Variants in NRXN1 observed in about 807,000 individuals in gnomAD.
NRXN1 encodes neurexin 1.
In NRXN1, 39 loss-of-function variants were observed where a neutral mutation model predicts 150.9. The observed-to-expected ratio is 0.26, with a 90% confidence interval of 0.20 to 0.34. The LOEUF (loss-of-function observed/expected upper bound fraction) is 0.34, where lower values mean the gene tolerates loss of function less well. Among genes scored for constraint, NRXN1 ranks in the 10% least tolerant of loss-of-function variants. The pLI, the probability that NRXN1 is intolerant of heterozygous loss-of-function variation, is 1.00. For missense variants in NRXN1, 1,815 were observed against 1,949.9 expected (o/e 0.93, Z 1.30); for synonymous variants, 924 against 757.0 (o/e 1.22, Z -3.62).
At chr2:50,002,889 A>G (rs1684173868) in intron 21 of NRXN1, among the ~76,000 whole-genome samples, 1 of 152,130 alleles carries the variant, frequency 6.6e-6, no homozygotes, top group African/African-American at 2.4e-5. Context: ...AGTTCTTGAG[A>G]AAAGTTACAA....
intron 5 of NRXN1, among the ~76,000 whole-genome samples, chr2:50,690,134 G>A (rs1164441869): frequency 6.6e-6 from 1 of 152,054 alleles, no homozygotes. Context: ...TGATCCGCCT[G>A]CCTTAGCTTG....
intron 21 of NRXN1, among the ~76,000 whole-genome samples, chr2:49,989,093 T>C (rs551875931): frequency 2.0e-5 from 3 of 152,176 alleles, no homozygotes; most frequent in Non-Finnish European, 4.4e-5. Context: ...TAAGATTGTT[T>C]AATTCTTAAT....
chr2:50,363,760 T>C (rs2079388915), intron 17 of NRXN1, among the ~76,000 whole-genome samples: 1 of 152,222 alleles, frequency 6.6e-6, no homozygotes, highest in South Asian at 2.1e-4. Context: ...CAAAGGATTA[T>C]AAATCATTCT....
In NRXN1 at chr2:50,858,670, T is replaced by TTTAAACATCTGAAA. The variant is rs1233102530; in HGVS notation, c.832+63185_832+63198dup. 5.3e-5 allele frequency among the ~76,000 whole-genome samples: 8 copies of TTTAAACATCTGAAA among 152,286 alleles called. No individual in the cohort carries two copies. In the East Asian group the frequency reaches 1.5e-3, roughly 29 times the overall value. ...ACTTCAGTCATACTATGCAGACTAC[T>TTTAAACATCTGAAA]TTAAACATCTGAAATTTAACATCTG... is the stretch of plus-strand genomic sequence containing the variant. On this transcript the variant is annotated intron_variant, in intron 5 of 22. Coordinates refer to ENST00000401669, the MANE Select transcript of NRXN1 (RefSeq NM_001330078.2).
intron 17 of NRXN1, among the ~76,000 whole-genome samples, chr2:50,394,123 A>T (rs1318952693): frequency 6.6e-6 from 1 of 152,136 alleles, no homozygotes; most frequent in African/African-American, 2.4e-5. Context: ...GTGACCTCCA[A>T]ATATGAGAAG....
chr2:50,947,861 C>T (rs1484556601), intron 2 of NRXN1, among the ~76,000 whole-genome samples: 1 of 151,842 alleles, frequency 6.6e-6, no homozygotes, highest in Non-Finnish European at 1.5e-5. Context: ...AAGGGAAAAA[C>T]TTGTTTTCTC....
chr2:50,091,921 T>C (rs540964029), intron 18 of NRXN1, among the ~76,000 whole-genome samples: 1 of 152,196 alleles, frequency 6.6e-6, no homozygotes, highest in Non-Finnish European at 1.5e-5. Context: ...CATTGACAAA[T>C]ACTCACAATA....
chr2:50,709,327 A>G (rs1694842310), intron 5 of NRXN1, among the ~76,000 whole-genome samples: 1 of 152,174 alleles, frequency 6.6e-6, no homozygotes, highest in Non-Finnish European at 1.5e-5. Flanking sequence ...CAGGAAAAAT[A>G]TATTAAGTGT....
At chr2:50,695,789 T>G (rs1396143561) in intron 5 of NRXN1, among the ~76,000 whole-genome samples, 1 of 152,126 alleles carries the variant, frequency 6.6e-6, no homozygotes. Flanking sequence ...GAGCCTCAGT[T>G]TTACTAATAT....
intron 18 of NRXN1, among the ~76,000 whole-genome samples, chr2:50,153,523 T>C (rs947562256): frequency 7.9e-5 from 12 of 151,758 alleles, no homozygotes; most frequent in Non-Finnish European, 1.5e-4. Context: ...TGGGTTCTTC[T>C]GATTGTTGCA....
chr2:50,466,686 T>C (rs1397235242), intron 16 of NRXN1, among the ~76,000 whole-genome samples: 1 of 151,700 alleles, frequency 6.6e-6, no homozygotes, highest in African/African-American at 2.4e-5. Flanking sequence ...AGCAGAAATT[T>C]ATTAGAATTT....
intron 9 of NRXN1, among the ~76,000 whole-genome samples, chr2:50,540,886 T>C (rs1314766968): frequency 6.6e-6 from 1 of 152,146 alleles, no homozygotes; most frequent in Admixed American, 6.5e-5. Flanking sequence ...GGTCTTGAAT[T>C]CATGGCCTCA....
intron 5 of NRXN1, among the ~76,000 whole-genome samples, chr2:50,854,601 C>T (rs560016179): frequency 1.7e-4 from 26 of 151,984 alleles, no homozygotes; most frequent in Admixed American, 1.3e-4. Context: ...TATTATAGTT[C>T]GAGGAAAATA....
At chr2:50,031,388 C>T (rs757239574) in intron 21 of NRXN1, among the ~76,000 whole-genome samples, 14 of 151,904 alleles carry the variant, frequency 9.2e-5, no homozygotes, top group Admixed American at 6.6e-4. Flanking sequence ...TCTAAATTAT[C>T]TTGCTTATTA....
At chr2:50,829,429 A>T in intron 5 of NRXN1, 1 of 1,478,302 alleles carries the variant, frequency 6.8e-7, no homozygotes, top group Admixed American at 1.7e-5. Flanking sequence ...TGCCCGGCTA[A>T]CTCAGGATTT....
At chr2:50,137,069 A>C (rs1036819686) in intron 18 of NRXN1, among the ~76,000 whole-genome samples, 1 of 152,224 alleles carries the variant, frequency 6.6e-6, no homozygotes, top group African/African-American at 2.4e-5. Context: ...ATAGCTTTGA[A>C]AGGTAAAAGA....
chr2:50,935,095 A>G (rs1227967946), intron 2 of NRXN1, among the ~76,000 whole-genome samples: 1 of 152,176 alleles, frequency 6.6e-6, no homozygotes, highest in Non-Finnish European at 1.5e-5. Context: ...TCAATGTAAG[A>G]GTTTAATAAG....
chr2:50,347,647 C>T lies in NRXN1; in HGVS notation c.3365-110677G>A, dbSNP rs959083651. On this transcript the variant is annotated intron_variant, in intron 17 of 22. Coordinates refer to ENST00000401669, the MANE Select transcript of NRXN1 (RefSeq NM_001330078.2). This position sits in a 1 kb window ranked among gnomAD's most constrained non-coding sequence, Gnocchi z 4.9. ...GGCGAGGGGTTCAGAGGGAAGAGTG[C>T]GCCCTTCTGAAGGAAGTGGGAATCG... 191 of 990,316 alleles carry T rather than the reference C, an allele frequency of 1.9e-4. No individual in the cohort carries two copies. The highest frequency in any genetic ancestry group is 2.2e-4 in the Non-Finnish European group (182 of 833,118). 61.3% of individuals were successfully genotyped at this position (990,316 alleles called of 1,614,324 possible).
intron 12 of NRXN1, among the ~76,000 whole-genome samples, chr2:50,507,967 G>C (rs1220875484): frequency 6.6e-6 from 1 of 151,150 alleles, no homozygotes; most frequent in Non-Finnish European, 1.5e-5. Context: ...ATATGAGAAA[G>C]TAAAGATACA....
Sources: gnomAD v4.1 joint callset for allele counts (sites outside exome capture counted in the v4.1 genomes callset) on GRCh38, gnomAD v4.1.1 for gene constraint, Gnocchi (gnomAD v3.1) non-coding constraint, MANE v1.5 for transcripts, NCBI Gene and HGNC (gene_info 2026-07-23, HGNC 2026-07-21) for gene names.